ALMS1: variants seen among roughly 807,000 people sequenced by gnomAD.
ALMS1 encodes ALMS1 centrosome and basal body associated protein.
A neutral mutation model predicts 352.2 loss-of-function variants in ALMS1; 271 were observed. The ratio of observed to expected loss-of-function variants is 0.77; its 90% CI spans 0.70 to 0.85. The LOEUF (loss-of-function observed/expected upper bound fraction) is 0.85, where lower values mean the gene tolerates loss of function less well. Ranked by LOEUF, ALMS1 falls within the 40% of genes least tolerant of loss-of-function variation. The pLI is 0.00. For synonymous variants in ALMS1, 1,865 were observed against 1,761.2 expected (o/e 1.06, Z -1.48); for missense variants, 5,445 against 4,870.7 (o/e 1.12, Z -3.51).
chr2:73,433,263 A>G (rs1671546804), intron 7 of ALMS1, among the ~76,000 whole-genome samples: 1 of 152,226 alleles, frequency 6.6e-6, no homozygotes, highest in African/African-American at 2.4e-5. Flanking sequence ...GGAGATGATG[A>G]ATTACAGTAT....
rs777469429 is a variant in ALMS1, at chr2:73,491,347, C to T, written c.9388C>T (p.Pro3130Ser). The change falls in exon 10 of 23, where the codon CCT becomes TCT. Residue 3130 changes from proline (P) to serine (S), a missense_variant. Coordinates refer to ENST00000613296, the MANE Select transcript of ALMS1 (RefSeq NM_001378454.1). ...KSSLDFQVVQ[P>S]SLPDSNTITQ... ...TTCACTGGATTTCCAAGTCGTACAG[C>T]CTTCTCTTCCAGACAGTAACACTAT... is the stretch of plus-strand genomic sequence containing the variant. 6.2e-7 allele frequency: 1 copy of T among 1,614,072 alleles called. No homozygotes were observed. Among genetic ancestry groups the T allele is most frequent in the Non-Finnish European group, 8.5e-7 (1 of 1,180,036 alleles).
chr2:73,559,923 A>C (rs976676726), intron 15 of ALMS1, among the ~76,000 whole-genome samples: 1 of 152,198 alleles, frequency 6.6e-6, no homozygotes, highest in Non-Finnish European at 1.5e-5. Context: ...TAAAACCATA[A>C]AACTCCCAGA....
chr2:73,426,490 T>A lies in ALMS1; in HGVS notation c.1275T>A (p.Thr425=). The change falls in exon 6 of 23, where the codon ACT becomes ACA. Residue 425 remains threonine (T), a synonymous_variant. Transcript: ENST00000613296. ...GGAAGGTTGAGTCTGACGTCATTAC[T>A]CTGGATGGCCTAAATGAAAATGCTG... ...LQGKVESDVI[T]LDGLNENAVV... 1.2e-6 allele frequency: 2 copies of A among 1,614,178 alleles called. No individual in the cohort carries two copies. Among genetic ancestry groups the A allele is most frequent in the Non-Finnish European group, 1.7e-6 (2 of 1,179,986 alleles).
chr2:73,499,579 C>T (rs1572976566), intron 10 of ALMS1, among the ~76,000 whole-genome samples: 2 of 152,154 alleles, frequency 1.3e-5, no homozygotes, highest in Middle Eastern at 3.4e-3. Flanking sequence ...TGTAAGTATC[C>T]AGTTTTCATT....
At chr2:73,575,864 T>C (rs1243094674) in intron 16 of ALMS1, among the ~76,000 whole-genome samples, 1 of 151,562 alleles carries the variant, frequency 6.6e-6, no homozygotes, top group Non-Finnish European at 1.5e-5. Context: ...TTTTTTTTTG[T>C]TTTTTGTGCT....
chr2:73,392,807 A>G (rs956399965), intron 1 of ALMS1, among the ~76,000 whole-genome samples: 1 of 152,146 alleles, frequency 6.6e-6, no homozygotes, highest in East Asian at 1.9e-4. Context: ...TACCGTAGAC[A>G]TTCTTATATA....
At chr2:73,495,136 T>C (rs1433083011) in intron 10 of ALMS1, among the ~76,000 whole-genome samples, 1 of 152,242 alleles carries the variant, frequency 6.6e-6, no homozygotes, top group African/African-American at 2.4e-5. Context: ...GTTCTCTTTT[T>C]AGCTCTTTAG....
intron 11 of ALMS1, among the ~76,000 whole-genome samples, chr2:73,521,344 G>A (rs187822932): frequency 4.6e-5 from 7 of 152,008 alleles, no homozygotes; most frequent in Admixed American, 6.6e-5. Flanking sequence ...AATGGTTTGG[G>A]TCTGTTCCAG....
Position 73,602,269 on chromosome 2 carries a change from A to T in ALMS1, c.12199A>T (p.Lys4067Ter). 1 of 1,614,200 alleles carries T rather than the reference A, an allele frequency of 6.2e-7. No individual in the cohort carries two copies. The highest frequency in any genetic ancestry group is 8.5e-7 in the Non-Finnish European group (1 of 1,180,014). ...KRLKLIVQER[K>*]LQSMLQTERD... ...CCTGAAGTTAATAGTCCAGGAGAGG[A>T]AGCTGCAGAGCATGTTACAGACCGA... Residue 4067 changes from lysine (K) to a stop codon, truncating the protein, a stop_gained, in exon 20 of 23, where the codon AAG becomes TAG. Transcript: ENST00000613296. LOFTEE classifies it high-confidence loss of function.
intron 15 of ALMS1, among the ~76,000 whole-genome samples, chr2:73,564,518 A>G (rs1674761930): frequency 6.6e-6 from 1 of 151,652 alleles, no homozygotes. Flanking sequence ...TTTTTACTGT[A>G]TTCACAGATA....
At chr2:73,396,548 CTCT>C (rs1670764783) in intron 1 of ALMS1, among the ~76,000 whole-genome samples, 1 of 44,008 alleles carries the variant, frequency 2.3e-5, no homozygotes, top group African/African-American at 1.0e-4. Flanking sequence ...TGGGTCTGAG[CTCT>C]TTTTTTTTTT....
Position 73,602,305 on chromosome 2 carries a change from C to T in ALMS1, c.12235C>T (p.Leu4079=). 1 of 1,614,208 alleles carries T rather than the reference C, an allele frequency of 6.2e-7. No individual in the cohort carries two copies. The highest frequency in any genetic ancestry group is 8.5e-7 in the Non-Finnish European group (1 of 1,180,030). ...QSMLQTERDA[L]FNIDRERQGH... ...CATGTTACAGACCGAGCGGGATGCACTATTCAACATTGACAGGGAACGGCA... is the reference window on the plus strand; with the variant it reads ...CATGTTACAGACCGAGCGGGATGCATTATTCAACATTGACAGGGAACGGCA... Residue 4079 remains leucine, a synonymous_variant, in exon 20 of 23, where the codon CTA becomes TTA. Transcript: ENST00000613296.
At chr2:73,417,578 AT>A (rs1553399769) in intron 2 of ALMS1, among the ~76,000 whole-genome samples, 13 of 152,036 alleles carry the variant, frequency 8.6e-5, no homozygotes, top group Non-Finnish European at 1.5e-5. Flanking sequence ...ATATAAAGAA[AT>A]TTTGTGACTT....
rs1463506407 is a variant in ALMS1 at position 73,400,940 on chromosome 2, C to T, written c.325-7682C>T. ...TAGCTGGGATTATAGGTGTGTGCCA[C>T]TATGCCCGGCTAATTTTTGCATTTT... On this transcript the variant is annotated intron_variant, in intron 1 of 22. Coordinates refer to ENST00000613296, the MANE Select transcript of ALMS1 (RefSeq NM_001378454.1). Among the ~76,000 whole-genome samples, 7 of 152,286 alleles carry T rather than the reference C, an allele frequency of 4.6e-5. No individual in the cohort carries two copies. In the East Asian group the frequency reaches 1.4e-3, roughly 29 times the overall value.
chr2:73,596,860 C>CG (rs372534037), intron 16 of ALMS1, among the ~76,000 whole-genome samples: 1 of 104,246 alleles, frequency 9.6e-6, no homozygotes, highest in Non-Finnish European at 1.8e-5. Context: ...CCCTCTACCT[C>CG]TTTTTTTTTT....
intron 9 of ALMS1, among the ~76,000 whole-genome samples, chr2:73,484,164 A>T (rs1203639964): frequency 1.3e-5 from 2 of 151,552 alleles, no homozygotes; most frequent in Middle Eastern, 3.2e-3. Flanking sequence ...GTTTCTTCCT[A>T]GTCTTGATGG....
chr2:73,486,551 G>A (rs1479914728), intron 9 of ALMS1, among the ~76,000 whole-genome samples: 2 of 152,170 alleles, frequency 1.3e-5, no homozygotes, highest in African/African-American at 4.8e-5. Context: ...TGTGTCCATT[G>A]TTCCTGGGTA....
intron 1 of ALMS1, among the ~76,000 whole-genome samples, chr2:73,395,411 ATGTG>A (rs1458741484): frequency 6.6e-6 from 1 of 152,108 alleles, no homozygotes; most frequent in African/African-American, 2.4e-5. Context: ...ACCATTATGT[ATGTG>A]GTCTGTAGTT....
intron 16 of ALMS1, among the ~76,000 whole-genome samples, chr2:73,576,437 T>C (rs1306303749): frequency 6.6e-6 from 1 of 152,142 alleles, no homozygotes; most frequent in Non-Finnish European, 1.5e-5. Context: ...ACTGATCTTG[T>C]ATCTTGCAGC....
Sources: allele counts gnomAD v4.1 joint callset (sites outside exome capture counted in the v4.1 genomes callset), GRCh38; gene constraint gnomAD v4.1.1; transcripts MANE v1.5; gene names NCBI Gene and HGNC (gene_info 2026-07-23, HGNC 2026-07-21).